The following PRKCH variants were observed in gnomAD, a reference collection of about 807,000 sequenced individuals.
PRKCH encodes the protein protein kinase C eta type.
A neutral mutation model predicts 82.5 loss-of-function variants in PRKCH; 28 were observed. The observed-to-expected ratio is 0.34, with a 90% CI of 0.25 to 0.47. The LOEUF is 0.47. Ranked by LOEUF, PRKCH falls within the 20% of genes least tolerant of loss-of-function variation. The probability of loss-of-function intolerance (pLI) is 1.00; values close to 1 mark genes in which losing one functional copy is unlikely to be tolerated. For synonymous variants in PRKCH, 322 were observed against 327.4 expected, an observed-to-expected ratio of 0.98 and a Z score of 0.18; for missense variants, 705 against 881.8, an observed-to-expected ratio of 0.80 and a Z score of 2.54.
intron 1 of PRKCH, among the ~76,000 whole-genome samples, chr14:61,325,148 T>C (rs573359560): frequency 1.2e-4 from 18 of 152,354 alleles, no homozygotes; most frequent in Non-Finnish European, 2.2e-4. Context: ...TGTAAAGTAC[T>C]GAGACCAGTC....
chr14:61,232,699 G>A (rs1252176813), intron 1 of PRKCH, among the ~76,000 whole-genome samples: 1 of 152,070 alleles, frequency 6.6e-6, no homozygotes, highest in African/African-American at 2.4e-5. Flanking sequence ...GTCCTTTTGG[G>A]CTTTTCTGAA....
In PRKCH at chr14:61,539,004, T is replaced by C. The variant is rs201444509; in HGVS notation, c.1761+8409T>C. Among the ~76,000 whole-genome samples, 13 of 152,316 alleles carry C rather than the reference T, an allele frequency of 8.5e-5. No homozygotes were observed. In the East Asian group the frequency reaches 1.3e-3, roughly 16 times the overall value. On this transcript the variant is annotated intron_variant, in intron 12 of 13. Coordinates refer to ENST00000332981, the MANE Select transcript of PRKCH (RefSeq NM_006255.5). Reference sequence around the variant, plus strand: ...AAAAGTAGTTCGTATAGCTTGGGCATGTAGGGTAGCAGCAGCTTTTTCTTA... The same window carrying C: ...AAAAGTAGTTCGTATAGCTTGGGCACGTAGGGTAGCAGCAGCTTTTTCTTA...
chr14:61,519,855 A>C (rs10147833), intron 10 of PRKCH, among the ~76,000 whole-genome samples: 23,332 of 151,374 alleles, frequency 0.15, 2,437 homozygotes, highest in African/African-American at 0.3. Flanking sequence ...CTTAGTAGAC[A>C]TTAAGTAATT....
At chr14:61,360,469 C>T (rs140413554) in intron 1 of PRKCH, among the ~76,000 whole-genome samples, 1 of 151,920 alleles carries the variant, frequency 6.6e-6, no homozygotes, top group East Asian at 1.9e-4. Context: ...CGCGCCACTG[C>T]ACTCCAGCCT....
intron 1 of PRKCH, among the ~76,000 whole-genome samples, chr14:61,301,554 A>G (rs538961382): frequency 5.9e-5 from 9 of 152,232 alleles, no homozygotes; most frequent in Non-Finnish European, 1.2e-4. Context: ...TGAAATGTAC[A>G]CATCTGTTCA....
rs141658440 is a variant in PRKCH at position 61,444,659 on chromosome 14, A to G, written c.579-1033A>G. Among the ~76,000 whole-genome samples the G allele has an allele frequency of 6.6e-5, 10 of 152,264 alleles. No homozygotes were observed. The East Asian group carries it at 7.7e-4, about 12-fold the overall frequency. The stretch of plus-strand genomic sequence containing the variant: ...ACACACTTAAAATATTGGTGTATAT[A>G]TTAATATATATGGCTAAGAGTATGG... On this transcript the variant is annotated intron_variant, in intron 3 of 13. Transcript: ENST00000332981.
chr14:61,410,717 A>G (rs1882221285), intron 2 of PRKCH, among the ~76,000 whole-genome samples: 1 of 152,196 alleles, frequency 6.6e-6, no homozygotes, highest in South Asian at 2.1e-4. Context: ...TTTCAAAGAT[A>G]AGCGTTACCT....
chr14:61,240,544 A>G (rs2044828097), intron 1 of PRKCH, among the ~76,000 whole-genome samples: 1 of 152,136 alleles, frequency 6.6e-6, no homozygotes. Flanking sequence ...GTTTCTAGCC[A>G]TCTGCATTTG....
intron 2 of PRKCH, among the ~76,000 whole-genome samples, chr14:61,404,528 T>C (rs1011804697): frequency 1.2e-4 from 17 of 144,110 alleles, no homozygotes; most frequent in Non-Finnish European, 3.0e-5. Flanking sequence ...TATATATTCA[T>C]GCATGTGTGT....
At chr14:61,422,881 A>C (rs1469670547) in intron 2 of PRKCH, among the ~76,000 whole-genome samples, 2 of 152,130 alleles carry the variant, frequency 1.3e-5, no homozygotes, top group African/African-American at 4.8e-5. Context: ...ACACGTATGC[A>C]CACACCCCCA....
intron 1 of PRKCH, among the ~76,000 whole-genome samples, chr14:61,211,705 T>G (rs1286991449): frequency 6.6e-6 from 1 of 152,176 alleles, no homozygotes; most frequent in African/African-American, 2.4e-5. Flanking sequence ...CTCACCCGCT[T>G]AATTGCTTCT....
intron 1 of PRKCH, among the ~76,000 whole-genome samples, chr14:61,289,848 T>A (rs1240566360): frequency 6.6e-6 from 1 of 152,260 alleles, no homozygotes; most frequent in Non-Finnish European, 1.5e-5. Context: ...GTGAAGCACC[T>A]GCCATGAAAT....
At chr14:61,528,605 C>T (rs1566929741) in intron 10 of PRKCH, among the ~76,000 whole-genome samples, 1 of 152,094 alleles carries the variant, frequency 6.6e-6, no homozygotes, top group African/African-American at 2.4e-5. Flanking sequence ...TCCCATTACA[C>T]TGTGAGTTCC....
chr14:61,531,226 C>T (rs954906706), intron 12 of PRKCH, among the ~76,000 whole-genome samples: 14 of 152,182 alleles, frequency 9.2e-5, no homozygotes, highest in African/African-American at 2.7e-4. Context: ...ATGTACTGGA[C>T]GCCTTTATGT....
At chr14:61,486,595 G>GT (rs149293519) in intron 10 of PRKCH, among the ~76,000 whole-genome samples, 3,133 of 150,180 alleles carry the variant, frequency 0.021, 90 homozygotes, top group African/African-American at 0.062. Flanking sequence ...ACATTTTCCT[G>GT]TTTTTTTTTC....
At chr14:61,515,921 CT>C (rs1566923951) in intron 10 of PRKCH, among the ~76,000 whole-genome samples, 1 of 151,908 alleles carries the variant, frequency 6.6e-6, no homozygotes, top group African/African-American at 2.4e-5. Flanking sequence ...TATGCTAAAC[CT>C]AATTCACATT....
At chr14:61,304,613 C>G (rs528209643) in intron 1 of PRKCH, 1 of 151,704 alleles carries the variant, frequency 6.6e-6, no homozygotes, top group African/African-American at 2.4e-5. Flanking sequence ...TTGCTTGAAC[C>G]CAGGAGTTCA....
intron 2 of PRKCH, among the ~76,000 whole-genome samples, chr14:61,416,348 C>T (rs1882561180): frequency 6.6e-6 from 1 of 152,132 alleles, no homozygotes; most frequent in Non-Finnish European, 1.5e-5. Context: ...AGCCACCATG[C>T]CCAGTCAATT....
chr14:61,201,313 A>T (rs2044479341), intron 1 of PRKCH, among the ~76,000 whole-genome samples: 1 of 152,162 alleles, frequency 6.6e-6, no homozygotes. Flanking sequence ...TGAAAAATTG[A>T]GGCATAGAGA....
Sources: gnomAD v4.1 joint callset for allele counts (sites outside exome capture counted in the v4.1 genomes callset) on GRCh38, gnomAD v4.1.1 for gene constraint, MANE v1.5 for transcripts, NCBI Gene and HGNC (gene_info 2026-07-23, HGNC 2026-07-21) for gene names.